Variants in ZFP64 observed in about 807,000 individuals in gnomAD.
ZFP64 encodes the protein ZFP64 zinc finger protein, also known as zinc finger protein 64.
Under a neutral mutation model 51.6 loss-of-function variants are expected in ZFP64, and 14 were observed. The observed-to-expected ratio is 0.27, with a 90% CI of 0.18 to 0.42. The LOEUF is 0.42. Ranked by LOEUF, ZFP64 falls within the 10% of genes least tolerant of loss-of-function variation. The probability of loss-of-function intolerance (pLI) is 1.00; values close to 1 mark genes in which losing one functional copy is unlikely to be tolerated. For missense variants in ZFP64, 754 were observed against 906.8 expected (o/e 0.83, Z 2.16); for synonymous variants, 375 against 361.4 (o/e 1.04, Z -0.43).
chr20:52,165,318 C>T (rs1982163204), intron 3 of ZFP64: 1 of 456,238 alleles, frequency 2.2e-6, no homozygotes. Flanking sequence ...AGGAAATACA[C>T]ACTGAAGTAT....
chr20:52,186,528 G>A (rs1462196526), intron 2 of ZFP64, among the ~76,000 whole-genome samples: 4 of 149,670 alleles, frequency 2.7e-5, no homozygotes, highest in African/African-American at 9.8e-5. Flanking sequence ...TTTTTTTATT[G>A]CAACGTATTT....
downstream of ZFP64, among the ~76,000 whole-genome samples, chr20:52,148,243 A>G (rs1307619109): frequency 6.6e-6 from 1 of 152,242 alleles, no homozygotes; most frequent in Non-Finnish European, 1.5e-5. Context: ...TTGGCCAGCC[A>G]GATCTTCTTT....
At chr20:52,142,390 A>ACGCGCGCG (rs1980311950) in intron 5 of ZFP64, among the ~76,000 whole-genome samples, 1 of 148,806 alleles carries the variant, frequency 6.7e-6, no homozygotes, top group Non-Finnish European at 1.5e-5. Flanking sequence ...ACACACACAC[A>ACGCGCGCG]CACACACACA....
chr20:52,177,750 A>T (rs1024119649), intron 2 of ZFP64, among the ~76,000 whole-genome samples: 2 of 152,064 alleles, frequency 1.3e-5, no homozygotes, highest in African/African-American at 4.8e-5. Flanking sequence ...AGAGCAACAG[A>T]GGCCGGGCGT....
intron 5 of ZFP64, among the ~76,000 whole-genome samples, chr20:52,098,762 G>A (rs1294354828): frequency 6.6e-6 from 1 of 152,088 alleles, no homozygotes; most frequent in Admixed American, 6.6e-5. Flanking sequence ...CCAGCACTTT[G>A]GGAGGCTGAG....
chr20:52,147,834 G>A (rs1374860690), downstream of ZFP64, among the ~76,000 whole-genome samples: 2 of 152,048 alleles, frequency 1.3e-5, no homozygotes, highest in Non-Finnish European at 2.9e-5. Flanking sequence ...GGTCCACATG[G>A]CGAAACCCCA....
chr20:52,151,149 G>A (rs2122946285), downstream of ZFP64: 8 of 740,112 alleles, frequency 1.1e-5, no homozygotes, highest in Non-Finnish European at 1.3e-5. Flanking sequence ...CTGTGGAGGA[G>A]GTAAGATGAT....
At chr20:52,170,918 A>G (rs1982666377) in intron 2 of ZFP64, among the ~76,000 whole-genome samples, 1 of 152,196 alleles carries the variant, frequency 6.6e-6, no homozygotes, top group Non-Finnish European at 1.5e-5. Context: ...TGGTGTAAAT[A>G]TTACAGAGAA....
At chr20:52,105,117 A>G in intron 5 of ZFP64, 1 of 1,405,446 alleles carries the variant, frequency 7.1e-7, no homozygotes, top group African/African-American at 1.5e-5. Flanking sequence ...GCGGGGCTCC[A>G]GCGGCGCTAC....
intron 8 of ZFP64, among the ~76,000 whole-genome samples, chr20:52,086,661 G>A (rs1000513977): frequency 6.6e-6 from 1 of 152,032 alleles, no homozygotes; most frequent in Admixed American, 6.6e-5. Flanking sequence ...TGTATTTTTA[G>A]TAGAGACGGG....
intron 4 of ZFP64, among the ~76,000 whole-genome samples, chr20:52,164,330 CCT>C (rs1057469061): frequency 1.3e-5 from 2 of 152,114 alleles, no homozygotes; most frequent in African/African-American, 4.8e-5. Flanking sequence ...TCCCCTTATT[CCT>C]CTCTTTACTA....
In ZFP64 at chr20:52,151,930, G is replaced by C. The variant is rs184606384; in HGVS notation, c.*216C>G. On this transcript the variant is annotated 3_prime_UTR_variant, in exon 6 of 6. Coordinates refer to ENST00000216923, the MANE Select transcript of ZFP64 (RefSeq NM_018197.3). Reference sequence around the variant, plus strand: ...CGTACACCTGTGGTCCCAGCTACTCGGAGGGCTGAGGCATGAGAATCGCTT... The same window carrying C: ...CGTACACCTGTGGTCCCAGCTACTCCGAGGGCTGAGGCATGAGAATCGCTT... 8.7e-7 allele frequency: 1 copy of C among 1,143,970 alleles called. No individual in the cohort carries two copies. The highest frequency in any genetic ancestry group is 1.2e-6 in the Non-Finnish European group (1 of 854,244). The allele number at this position is 1,143,970 out of a possible 1,614,324, so 70.9% of individuals were successfully genotyped here.
chr20:52,110,684 C>A (rs753801254), intron 5 of ZFP64: 3 of 1,534,162 alleles, frequency 2.0e-6, no homozygotes, highest in South Asian at 1.2e-5. Flanking sequence ...GCTAGCTAGA[C>A]CCCTTGCCCC....
downstream of ZFP64, among the ~76,000 whole-genome samples, chr20:52,149,755 G>GTGTA (rs936023465): frequency 2.6e-5 from 4 of 152,078 alleles, no homozygotes; most frequent in South Asian, 4.1e-4. Flanking sequence ...ATGCATGCAT[G>GTGTA]TGTATGTATG....
intron 4 of ZFP64, among the ~76,000 whole-genome samples, chr20:52,164,142 T>A (rs191628815): frequency 6.6e-6 from 1 of 152,002 alleles, no homozygotes; most frequent in South Asian, 2.1e-4. Context: ...GAGACCCCAC[T>A]CTCTACAAAA....
intron 5 of ZFP64, among the ~76,000 whole-genome samples, chr20:52,104,353 G>C (rs1474466944): frequency 6.6e-6 from 1 of 152,186 alleles, no homozygotes; most frequent in African/African-American, 2.4e-5. Flanking sequence ...ATGCTGCCCG[G>C]GGGGCTTAAG....
In ZFP64 at chr20:52,085,184, C is replaced by A. The variant is rs1385436264; in HGVS notation, c.1311G>T (p.Ser437=). 1.4e-5 allele frequency: 22 copies of A among 1,614,094 alleles called. No homozygotes were observed. The highest frequency in any genetic ancestry group is 1.8e-5 in the Non-Finnish European group (21 of 1,180,046). ...ACTCGCACTTGAAAGGCTTCTCCCC[C>A]GAGTGCACGATCATGTGCCTTTTCA... Residue 437 remains serine, a synonymous_variant, in exon 9 of 9, where the codon TCG becomes TCT. Transcript: ENST00000361387. The surrounding 1 kb of genome is among the most constrained non-coding windows in gnomAD (Gnocchi z 4.3).
chr20:52,105,133 C>A, intron 5 of ZFP64: 1 of 1,422,656 alleles, frequency 7.0e-7, no homozygotes, highest in South Asian at 1.6e-5. Flanking sequence ...GCTACTCACC[C>A]GGCTCCCCCG....
intron 5 of ZFP64, among the ~76,000 whole-genome samples, chr20:52,118,285 C>T (rs1341176944): frequency 1.4e-5 from 2 of 141,748 alleles, no homozygotes; most frequent in Non-Finnish European, 3.1e-5. Context: ...TCTGTTTGGG[C>T]AACAACATGG....
Sources: gnomAD v4.1 joint callset for allele counts (sites outside exome capture counted in the v4.1 genomes callset) on GRCh38, gnomAD v4.1.1 for gene constraint, Gnocchi (gnomAD v3.1) non-coding constraint, MANE v1.5 for transcripts, NCBI Gene and HGNC (gene_info 2026-07-23, HGNC 2026-07-21) for gene names.